SCARB1: variants seen among roughly 807,000 people sequenced by gnomAD.
SCARB1 encodes CD36 and LIMPII analogous 1.
In SCARB1, 30 loss-of-function variants were observed where a neutral mutation model predicts 57.2. The ratio of observed to expected loss-of-function variants is 0.52; its 90% confidence interval spans 0.39 to 0.71. The LOEUF is 0.71. Ranked by LOEUF, SCARB1 falls within the 30% of genes least tolerant of loss-of-function variation. SCARB1 has a pLI of 0.00. For missense variants in SCARB1, 543 were observed against 671.2 expected (o/e 0.81, Z 2.11); for synonymous variants, 249 against 268.3 (o/e 0.93, Z 0.70).
At chr12:124,815,822 C>T (rs1427737209) in intron 2 of SCARB1, among the ~76,000 whole-genome samples, 3 of 152,060 alleles carry the variant, frequency 2.0e-5, no homozygotes, top group South Asian at 2.1e-4. Context: ...GCCGAGATCG[C>T]GCCACCGCAC....
At chr12:124,856,813 C>G (rs1952653206) in intron 1 of SCARB1, among the ~76,000 whole-genome samples, 1 of 152,216 alleles carries the variant, frequency 6.6e-6, no homozygotes, top group South Asian at 2.1e-4. Context: ...GGGAGTCCAG[C>G]CCCCGGGGTC....
At chr12:124,781,736 C>T (rs1873520959) in intron 12 of SCARB1, among the ~76,000 whole-genome samples, 1 of 151,630 alleles carries the variant, frequency 6.6e-6, no homozygotes, top group Admixed American at 6.7e-5. Flanking sequence ...ACCAGAAATT[C>T]ATATTTAACA....
Position 124,855,250 on chromosome 12 carries a change from C to A in SCARB1, c.126+8345G>T, listed in dbSNP as rs187471874. On this transcript the variant is annotated intron_variant, in intron 1 of 12. Transcript: ENST00000261693. ...CTCCCCAGCACAGGCAATCAGTGAACAGGAAGAAACAGTGGAGTGGAGGGA... is the reference window on the plus strand; with the variant it reads ...CTCCCCAGCACAGGCAATCAGTGAAAAGGAAGAAACAGTGGAGTGGAGGGA... Among the ~76,000 whole-genome samples, 1,278 of 152,276 alleles carry A rather than the reference C, an allele frequency of 8.4e-3. 10 individuals carry two copies. The highest frequency in any genetic ancestry group is 0.027 in the Middle Eastern group (8 of 294).
At chr12:124,824,603 G>A (rs1345235943) in intron 1 of SCARB1, among the ~76,000 whole-genome samples, 1 of 152,244 alleles carries the variant, frequency 6.6e-6, no homozygotes, top group Non-Finnish European at 1.5e-5. Flanking sequence ...CCCAGTAGAT[G>A]AGCAAAAATT....
rs546015408 is a variant in SCARB1 at position 124,806,617 on chromosome 12, G to A, written c.1009+1144C>T. On this transcript the variant is annotated intron_variant, in intron 7 of 12. Transcript: ENST00000261693. The stretch of plus-strand genomic sequence containing the variant: ...GCCTTGAAGGTCCAGAAATTGGGCC[G>A]GGCACAGTGGCTCACACCTGTAATC... Among the ~76,000 whole-genome samples the A allele has an allele frequency of 3.9e-5, 6 of 152,306 alleles. No homozygotes were observed. The South Asian group carries it at 6.2e-4, about 16-fold the overall frequency.
At position 124,800,986 on chromosome 12, in the gene SCARB1, T is replaced by C. The variant is rs539422847; in HGVS notation, c.1010-744A>G. Among the ~76,000 whole-genome samples the C allele has an allele frequency of 1.8e-4, 27 of 152,288 alleles. No homozygotes were observed. The highest frequency in any genetic ancestry group is 6.5e-4 in the African/African-American group (27 of 41,568). ...ACTTTGGGAGGCCTCAGCAGGCAGA[T>C]GACTTGCACCCAGGAATTGGAGACC... On this transcript the variant is annotated intron_variant, in intron 7 of 12. Transcript: ENST00000261693. This position sits in a 1 kb window ranked among gnomAD's most constrained non-coding sequence, Gnocchi z 4.8.
chr12:124,778,483 G>T lies in SCARB1; in HGVS notation c.*104C>A. ...CTGGGAGGCTCAGGCTGTGGGGCTG[G>T]GGGGCTGTCCGCTGGGAGAGTCCGG... On this transcript the variant is annotated 3_prime_UTR_variant, in exon 13 of 13. Coordinates refer to ENST00000261693, the MANE Select transcript of SCARB1 (RefSeq NM_005505.5). The T allele has an allele frequency of 7.4e-7, 1 of 1,347,796 alleles. No homozygotes were observed. The allele number at this position is 1,347,796 out of a possible 1,614,324, so 83.5% of individuals were successfully genotyped here.
chr12:124,824,679 G>T (rs1049092489), intron 1 of SCARB1, among the ~76,000 whole-genome samples: 2 of 152,186 alleles, frequency 1.3e-5, no homozygotes, highest in African/African-American at 2.4e-5. Context: ...CACAGCGGGG[G>T]TCAGGCCACT....
At chr12:124,853,253 AG>A (rs1952491178) in intron 1 of SCARB1, among the ~76,000 whole-genome samples, 1 of 152,182 alleles carries the variant, frequency 6.6e-6, no homozygotes, top group Admixed American at 6.5e-5. Flanking sequence ...AGGAAAAGGA[AG>A]GCCTGTGAGG....
In SCARB1 at chr12:124,800,223, G is replaced by A. The variant is rs1950083381; in HGVS notation, c.1029C>T (p.Ser343=). 1.9e-6 allele frequency: 3 copies of A among 1,613,706 alleles called. No homozygotes were observed. The highest frequency in any genetic ancestry group is 1.3e-5 in the African/African-American group (1 of 75,034). ...GGTCAGCGTTGAGGAAGTGAGGATGGGAGAGAAACAAGGGGGCACCTAGAA... is the reference window on the plus strand; with the variant it reads ...GGTCAGCGTTGAGGAAGTGAGGATGAGAGAGAAACAAGGGGGCACCTAGAA... ...TCRFSAPLFL[S]HPHFLNADPV... Residue 343 remains serine, a synonymous_variant, in exon 8 of 13, where the codon TCC becomes TCT. Transcript: ENST00000261693. The surrounding 1 kb of genome is among the most constrained non-coding windows in gnomAD (Gnocchi z 4.8).
In SCARB1 at chr12:124,812,858, A is replaced by G. The variant is rs1950574747; in HGVS notation, c.631-893T>C. The stretch of plus-strand genomic sequence containing the variant: ...CCCATGTGGAGCCAAGAATAACCAG[A>G]GCCACTACAAAGGGGAGCATTAAAG... On this transcript the variant is annotated intron_variant, in intron 4 of 12. Coordinates refer to ENST00000261693, the MANE Select transcript of SCARB1 (RefSeq NM_005505.5). The surrounding 1 kb of genome is among the most constrained non-coding windows in gnomAD (Gnocchi z 4.3). Among the ~76,000 whole-genome samples, 1 of 152,174 alleles carries G rather than the reference A, an allele frequency of 6.6e-6. No individual in the cohort carries two copies. Among genetic ancestry groups the G allele is most frequent in the Non-Finnish European group, 1.5e-5 (1 of 68,034 alleles).
chr12:124,856,743 C>G (rs75768897), intron 1 of SCARB1, among the ~76,000 whole-genome samples: 6,120 of 152,304 alleles, frequency 0.04, 170 homozygotes, highest in Admixed American at 0.073. Flanking sequence ...TGGGCCTCCC[C>G]CCCAGGTTCC....
chr12:124,853,936 C>T (rs1375621900), intron 1 of SCARB1, among the ~76,000 whole-genome samples: 1 of 152,218 alleles, frequency 6.6e-6, no homozygotes, highest in Non-Finnish European at 1.5e-5. Context: ...GTCTTTTAAA[C>T]ATCCTTTCAA....
chr12:124,850,347 C>T (rs558571696), intron 1 of SCARB1, among the ~76,000 whole-genome samples: 1 of 150,952 alleles, frequency 6.6e-6, no homozygotes, highest in South Asian at 2.1e-4. Flanking sequence ...CACTCCAGCC[C>T]GGGCGACAGA....
intron 2 of SCARB1, 100 bp from the exon 3 acceptor site, chr12:124,815,214 C>T (rs906291018): frequency 5.4e-5 from 72 of 1,345,454 alleles, no homozygotes; most frequent in Non-Finnish European, 6.5e-5. Context: ...GGGCCCTGGA[C>T]GTCTGTGCAC....
intron 1 of SCARB1, among the ~76,000 whole-genome samples, chr12:124,842,795 G>A (rs956337884): frequency 6.6e-5 from 10 of 152,142 alleles, no homozygotes; most frequent in Non-Finnish European, 1.5e-4. Context: ...CCTTTACAAG[G>A]TCCTATTTGC....
intron 8 of SCARB1, among the ~76,000 whole-genome samples, chr12:124,797,439 G>A (rs1288947430): frequency 6.6e-6 from 1 of 152,014 alleles, no homozygotes; most frequent in Non-Finnish European, 1.5e-5. Flanking sequence ...CTGATCTCCT[G>A]ATCCCCCTCC....
chr12:124,858,057 G>A (rs1952713154), intron 1 of SCARB1, among the ~76,000 whole-genome samples: 1 of 152,156 alleles, frequency 6.6e-6, no homozygotes, highest in African/African-American at 2.4e-5. Context: ...CCACATACCT[G>A]AGCACAGCTG....
intron 1 of SCARB1, among the ~76,000 whole-genome samples, chr12:124,841,320 G>C (rs528992128): frequency 2.0e-5 from 3 of 151,196 alleles, no homozygotes; most frequent in East Asian, 3.9e-4. Context: ...TGCAGTGAGC[G>C]GAGATTGCGC....
Sources: allele counts gnomAD v4.1 joint callset (sites outside exome capture counted in the v4.1 genomes callset), GRCh38; gene constraint gnomAD v4.1.1; non-coding constraint Gnocchi (gnomAD v3.1); transcripts MANE v1.5; gene names NCBI Gene and HGNC (gene_info 2026-07-23, HGNC 2026-07-21).